ZNF605: variants seen among roughly 807,000 people sequenced by gnomAD.
ZNF605 encodes the protein zinc finger protein 605.
Under a neutral mutation model 7.9 loss-of-function variants are expected in ZNF605, and 9 were observed. That is an observed-to-expected ratio of 1.14 (90% CI 0.68 to 1.98). The LOEUF (loss-of-function observed/expected upper bound fraction) is 1.98. Ranked by LOEUF, ZNF605 falls within the 30% of genes most tolerant of loss-of-function variation. The pLI, the probability that ZNF605 is intolerant of heterozygous loss-of-function variation, is 0.00. For missense variants in ZNF605, 673 were observed against 762.4 expected (o/e 0.88, Z 1.38); for synonymous variants, 255 against 260.1 (o/e 0.98, Z 0.19).
intron 1 of ZNF605, among the ~76,000 whole-genome samples, chr12:132,954,246 C>G (rs1279405686): frequency 6.7e-6 from 1 of 148,558 alleles, no homozygotes; most frequent in Non-Finnish European, 1.5e-5. Context: ...CCAGCACCCC[C>G]AAAGCCCCAC....
At position 132,925,389 on chromosome 12, in the gene ZNF605, C is replaced by T. The variant is rs755966277; in HGVS notation, c.1910G>A (p.Arg637Lys). 6.3e-7 allele frequency: 1 copy of T among 1,582,432 alleles called. No individual in the cohort carries two copies. Among genetic ancestry groups the T allele is most frequent in the Non-Finnish European group, 8.6e-7 (1 of 1,163,980 alleles). Residue 637 changes from arginine to lysine, a missense_variant, in exon 5 of 5, where the codon AGA becomes AAA. Transcript: ENST00000360187. Reference protein sequence around the residue: ...NRKSQLMIHQRNHII With the variant: ...NRKSQLMIHQKNHII The stretch of plus-strand genomic sequence containing the variant: ...TCATGATTTTTATATTATATGATTT[C>T]TCTGATGTATCATAAGCTGCGACTT...
intron 3 of ZNF605, among the ~76,000 whole-genome samples, chr12:132,937,604 T>C (rs1952382071): frequency 6.6e-6 from 1 of 152,090 alleles, no homozygotes; most frequent in African/African-American, 2.4e-5. Flanking sequence ...GAATGTAAAA[T>C]GTACAGCAGC....
chr12:132,943,442 C>T (rs986733886), intron 3 of ZNF605, among the ~76,000 whole-genome samples: 2 of 152,040 alleles, frequency 1.3e-5, no homozygotes, highest in Non-Finnish European at 2.9e-5. Context: ...CAGCAGGCCT[C>T]AGGGGAAAAC....
rs989149677 is a variant in ZNF605 at position 132,919,470 on chromosome 12, A to G, written c.*5903T>C. 2.7e-5 allele frequency: 4 copies of G among 150,008 alleles called. No individual in the cohort carries two copies. The highest frequency in any genetic ancestry group is 5.9e-5 in the Non-Finnish European group (4 of 67,824). The allele number at this position is 150,008 out of a possible 1,614,324, so 9.3% of individuals were successfully genotyped here. On this transcript the variant is annotated 3_prime_UTR_variant, in exon 5 of 5. Transcript: ENST00000360187. Reference sequence around the variant, plus strand: ...AGTGGCGCGATCTCAGCTCACTGCAAGCTCCGCCTCCCGGGTTCACGCCAT... The same window carrying G: ...AGTGGCGCGATCTCAGCTCACTGCAGGCTCCGCCTCCCGGGTTCACGCCAT...
chr12:132,949,165 C>T (rs1952530667), intron 1 of ZNF605, among the ~76,000 whole-genome samples: 1 of 152,164 alleles, frequency 6.6e-6, no homozygotes, highest in African/African-American at 2.4e-5. Context: ...CTCCATCATC[C>T]ATAAACACTG....
chr12:132,955,107 A>G (rs376794104), intron 1 of ZNF605, among the ~76,000 whole-genome samples: 5 of 152,254 alleles, frequency 3.3e-5, no homozygotes, highest in African/African-American at 9.6e-5. Flanking sequence ...AAGTGGGGAA[A>G]AAAAGACGCG....
chr12:132,927,183 A>C (rs1952255722), intron 4 of ZNF605, 21 bp from the exon 5 acceptor site: 1 of 1,504,800 alleles, frequency 6.6e-7, no homozygotes, highest in African/African-American at 1.4e-5. Context: ...AAAAAAATGA[A>C]CCATACTGTG....
At chr12:132,936,068 A>C (rs2137138380) in intron 3 of ZNF605, among the ~76,000 whole-genome samples, 1 of 151,916 alleles carries the variant, frequency 6.6e-6, no homozygotes, top group African/African-American at 2.4e-5. Flanking sequence ...CTCAAAAAAA[A>C]CCAAAAAAAA....
At chr12:132,953,835 C>T (rs943672807) in intron 1 of ZNF605, among the ~76,000 whole-genome samples, 153 of 152,184 alleles carry the variant, frequency 1.0e-3, no homozygotes, top group African/African-American at 3.5e-3. Flanking sequence ...CTCACCCTCA[C>T]CCACCCGCAC....
At chr12:132,955,868 G>A (rs909336250) in intron 1 of ZNF605, among the ~76,000 whole-genome samples, 9 of 151,804 alleles carry the variant, frequency 5.9e-5, no homozygotes, top group Non-Finnish European at 1.2e-4. Flanking sequence ...GCAACCTCGC[G>A]TCCCCTTGCC....
At chr12:132,928,883 G>A (rs1471850853) in intron 4 of ZNF605, among the ~76,000 whole-genome samples, 1 of 151,816 alleles carries the variant, frequency 6.6e-6, no homozygotes, top group African/African-American at 2.4e-5. Flanking sequence ...CATGTGTGGT[G>A]GTGCACACGT....
chr12:132,947,325 C>A (rs933170991), intron 2 of ZNF605, among the ~76,000 whole-genome samples: 31 of 143,596 alleles, frequency 2.2e-4, no homozygotes, highest in Middle Eastern at 4.1e-3. Flanking sequence ...ACATTTTTTT[C>A]TTTGAGACAG....
intron 3 of ZNF605, among the ~76,000 whole-genome samples, chr12:132,939,144 C>T (rs892001867): frequency 2.6e-5 from 4 of 152,082 alleles, no homozygotes; most frequent in Admixed American, 1.3e-4. Flanking sequence ...TGCGAGCGCA[C>T]AGCGCAGGAC....
At chr12:132,952,933 G>A (rs1441646592) in intron 1 of ZNF605, among the ~76,000 whole-genome samples, 5 of 151,686 alleles carry the variant, frequency 3.3e-5, no homozygotes, top group African/African-American at 7.3e-5. Flanking sequence ...CAAGTTCCCC[G>A]GATTACCAAG....
In ZNF605 at chr12:132,925,603, A is replaced by G. The variant is rs746737021; in HGVS notation, c.1696T>C (p.Cys566Arg). Residue 566 changes from cysteine to arginine, a missense_variant, in exon 5 of 5, where the codon TGT (cysteine) becomes CGT (arginine). Coordinates refer to ENST00000360187, the MANE Select transcript of ZNF605 (RefSeq NM_183238.4). ...GCCTTCTCAAAGAAAGCTTTTGCAC[A>G]ATCGCTGCATCCATAGGTTTTCTCT... is the stretch of plus-strand genomic sequence containing the variant. ...TGEKTYGCSD[C>R]AKAFFEKAQL... 1 of 1,614,212 alleles carries G rather than the reference A, an allele frequency of 6.2e-7. No individual in the cohort carries two copies.
In ZNF605 at chr12:132,925,987, T is replaced by G; in HGVS notation, c.1312A>C (p.Thr438Pro). ...TCCCCAGTGTGTGTTCTGTGATGCG[T>G]TAGGAGCTGGGACTTCCCAAAGAAG... is the stretch of plus-strand genomic sequence containing the variant. ...KTFFGKSQLLTHHRTHTGEKP... is the reference protein window; with the variant it reads ...KTFFGKSQLLPHHRTHTGEKP... The change falls in exon 5 of 5, where the codon ACG becomes CCG. Residue 438 changes from threonine to proline, a missense_variant. Physicochemically the swap from Thr to Pro is conservative, Grantham distance 38. Coordinates refer to ENST00000360187, the MANE Select transcript of ZNF605 (RefSeq NM_183238.4). The G allele has an allele frequency of 6.2e-7, 1 of 1,614,172 alleles. No homozygotes were observed. Among genetic ancestry groups the G allele is most frequent in the Non-Finnish European group, 8.5e-7 (1 of 1,180,018 alleles).
chr12:132,939,962 G>A (rs940949763), intron 3 of ZNF605, among the ~76,000 whole-genome samples: 5 of 151,892 alleles, frequency 3.3e-5, no homozygotes, highest in Middle Eastern at 3.4e-3. Context: ...GCGAGACCAC[G>A]AACCCACCAG....
At chr12:132,934,606 T>C (rs1952343011) in intron 3 of ZNF605, among the ~76,000 whole-genome samples, 1 of 144,028 alleles carries the variant, frequency 6.9e-6, no homozygotes, top group Non-Finnish European at 1.5e-5. Flanking sequence ...CTCGGGAGGC[T>C]GAGACAGGAG....
rs1378939721 is a variant in ZNF605, at chr12:132,925,884, G to GT, written c.1414dup (p.Thr472AsnfsTer3). On this transcript the variant is annotated frameshift_variant, in exon 5 of 5. Transcript: ENST00000360187. LOFTEE classifies it low-confidence loss of function (END_TRUNC). The stretch of plus-strand genomic sequence containing the variant: ...ACTGCATTCATAGGGTTTCTCACCT[G>GT]TATGTGTTCTCTGATGTGATATCAG... 2.5e-6 allele frequency: 4 copies of GT among 1,614,064 alleles called. No homozygotes were observed. The African/African-American group carries it at 4.0e-5, about 16-fold the overall frequency.
Sources: gnomAD v4.1 joint callset for allele counts (sites outside exome capture counted in the v4.1 genomes callset) on GRCh38, gnomAD v4.1.1 for gene constraint, MANE v1.5 for transcripts, NCBI Gene and HGNC (gene_info 2026-07-23, HGNC 2026-07-21) for gene names.